The following EYA2 variants were observed in gnomAD, a reference collection of about 807,000 sequenced individuals.
The protein encoded by EYA2 is EYA transcriptional coactivator and phosphatase 2, also known as protein phosphatase EYA2.
Under a neutral mutation model 69.2 loss-of-function variants are expected in EYA2, and 31 were observed. That is an observed-to-expected ratio of 0.45 (90% CI 0.34 to 0.60). EYA2 has a LOEUF of 0.60. EYA2 is among the 20% of genes least tolerant of loss of function. EYA2 has a pLI of 0.02. For missense variants in EYA2, 622 were observed against 701.2 expected (o/e 0.89, Z 1.28); for synonymous variants, 257 against 279.4 (o/e 0.92, Z 0.80).
At chr20:47,125,520 A>C (rs1421333523) in intron 9 of EYA2, among the ~76,000 whole-genome samples, 3 of 152,178 alleles carry the variant, frequency 2.0e-5, no homozygotes, top group Non-Finnish European at 4.4e-5. Context: ...CTCTAAAAAA[A>C]ATTTTTTTAA....
chr20:47,172,878 T>C lies in EYA2; in HGVS notation c.1198+11T>C, dbSNP rs2034352848. 6.2e-7 allele frequency: 1 copy of C among 1,601,750 alleles called. No individual in the cohort carries two copies. The highest frequency in any genetic ancestry group is 1.7e-5 in the Admixed American group (1 of 58,830). On this transcript the variant is annotated intron_variant, in intron 12 of 15. Coordinates refer to ENST00000327619, the MANE Select transcript of EYA2 (RefSeq NM_005244.5). The stretch of plus-strand genomic sequence containing the variant: ...AGAACAACGTTGGTGGTGAGTACTG[T>C]GAGCCTTGGGCCTCCGAGGAAGGGA...
At chr20:46,919,543 C>A (rs141256635) in intron 1 of EYA2, among the ~76,000 whole-genome samples, 19 of 152,352 alleles carry the variant, frequency 1.2e-4, no homozygotes, top group Non-Finnish European at 2.8e-4. Flanking sequence ...TCATTTCTCT[C>A]AGCTTTCATA....
chr20:46,921,577 C>G (rs1013822434), intron 1 of EYA2, among the ~76,000 whole-genome samples: 2 of 152,208 alleles, frequency 1.3e-5, no homozygotes, highest in African/African-American at 4.8e-5. Flanking sequence ...GGCACAGGAA[C>G]TGGACCCAGG....
chr20:47,033,481 C>T (rs1984532632), intron 5 of EYA2, among the ~76,000 whole-genome samples: 1 of 152,220 alleles, frequency 6.6e-6, no homozygotes, highest in Non-Finnish European at 1.5e-5. Context: ...AGTTTGCCAA[C>T]TCCTGATATG....
chr20:47,018,945 C>T (rs949143692), intron 5 of EYA2, among the ~76,000 whole-genome samples: 1 of 152,214 alleles, frequency 6.6e-6, no homozygotes, highest in Non-Finnish European at 1.5e-5. Flanking sequence ...AATGTCTGCA[C>T]ATAAACATGC....
chr20:47,083,566 A>G (rs1396546904), intron 7 of EYA2, among the ~76,000 whole-genome samples: 2 of 129,794 alleles, frequency 1.5e-5, no homozygotes, highest in African/African-American at 5.4e-5. Flanking sequence ...TGACAGAGCA[A>G]GAGTCCATCT....
At chr20:47,168,185 G>GT (rs957961756) in intron 10 of EYA2, among the ~76,000 whole-genome samples, 3 of 92,734 alleles carry the variant, frequency 3.2e-5, no homozygotes, top group South Asian at 3.2e-4. Context: ...GTAGTCTTTT[G>GT]TTTTTTTGTT....
At chr20:47,140,606 C>A (rs776496959) in intron 9 of EYA2, among the ~76,000 whole-genome samples, 2 of 152,168 alleles carry the variant, frequency 1.3e-5, no homozygotes, top group Non-Finnish European at 2.9e-5. Flanking sequence ...TCCTCAGAAG[C>A]AGTGTTGTTC....
chr20:47,153,192 AC>A, intron 10 of EYA2, among the ~76,000 whole-genome samples: 2 of 152,148 alleles, frequency 1.3e-5, no homozygotes, highest in African/African-American at 4.8e-5. Flanking sequence ...TAATTAAAAT[AC>A]AAAACAAAAC....
At chr20:47,186,079 TC>T (rs1335040127) in intron 15 of EYA2, among the ~76,000 whole-genome samples, 1 of 152,144 alleles carries the variant, frequency 6.6e-6, no homozygotes, top group Non-Finnish European at 1.5e-5. Flanking sequence ...GACCCAGCTC[TC>T]AAAAGTAGAC....
intron 10 of EYA2, among the ~76,000 whole-genome samples, chr20:47,168,168 C>T (rs1297117514): frequency 1.3e-5 from 2 of 150,414 alleles, no homozygotes; most frequent in African/African-American, 2.5e-5. Flanking sequence ...TTCATTGTCC[C>T]CACCCCGTAG....
At chr20:47,124,636 C>T (rs11696752) in intron 9 of EYA2, among the ~76,000 whole-genome samples, 24,777 of 151,982 alleles carry the variant, frequency 0.16, 2,009 homozygotes, top group Middle Eastern at 0.27. Context: ...GGCAGTGACT[C>T]CTGTTAGGGT....
At chr20:46,944,870 G>A (rs1246392317) in intron 1 of EYA2, among the ~76,000 whole-genome samples, 2 of 152,172 alleles carry the variant, frequency 1.3e-5, no homozygotes, top group Non-Finnish European at 2.9e-5. Context: ...TTGTGAGGCC[G>A]AGGCGGGCGG....
chr20:47,013,690 A>G (rs1983223927), intron 4 of EYA2, among the ~76,000 whole-genome samples: 1 of 152,050 alleles, frequency 6.6e-6, no homozygotes, highest in Non-Finnish European at 1.5e-5. Flanking sequence ...AGCCCAGGAA[A>G]GGCAGTGAGG....
intron 5 of EYA2, among the ~76,000 whole-genome samples, chr20:47,068,746 ATCC>A (rs2031205774): frequency 6.6e-6 from 1 of 152,072 alleles, no homozygotes; most frequent in Non-Finnish European, 1.5e-5. Flanking sequence ...TTCCTTTATT[ATCC>A]TCTTATCTTC....
Position 46,908,870 on chromosome 20 carries a change from CTTTTTTTTTTTTTTTTTTTT to C in EYA2, c.-11+13901_-11+13920del, listed in dbSNP as rs56834738. ...AAAGGCACTAAGCCTCTCTCCCGCA[CTTTTTTTTTTTTTTTTTTTT>C]TTTTTTTTTTTTTTTTTACCAATTC... On this transcript the variant is annotated intron_variant, in intron 1 of 15. Transcript: ENST00000327619. Among the ~76,000 whole-genome samples, 19 of 47,580 alleles carry C rather than the reference CTTTTTTTTTTTTTTTTTTTT, an allele frequency of 4.0e-4. No individual in the cohort carries two copies. The South Asian group carries it at 0.011, about 28-fold the overall frequency. The allele number at this position is 47,580 out of a possible 152,430, so 31.2% of individuals were successfully genotyped here.
intron 7 of EYA2, among the ~76,000 whole-genome samples, chr20:47,076,838 C>T (rs1372610475): frequency 6.6e-6 from 1 of 152,160 alleles, no homozygotes; most frequent in Non-Finnish European, 1.5e-5. Context: ...CAAAGATGGC[C>T]ACCAGCTACC....
At chr20:47,090,328 C>T (rs1381297214) in intron 8 of EYA2, among the ~76,000 whole-genome samples, 3 of 151,756 alleles carry the variant, frequency 2.0e-5, no homozygotes, top group Non-Finnish European at 2.9e-5. Flanking sequence ...CAACCTCCAC[C>T]TCCCAGGTTC....
intron 12 of EYA2, among the ~76,000 whole-genome samples, chr20:47,178,503 G>A (rs140761509): frequency 5.3e-4 from 81 of 152,058 alleles, no homozygotes; most frequent in African/African-American, 1.8e-3. Flanking sequence ...CCTCCAGGCT[G>A]GAATGGAAAG....
Sources: allele counts gnomAD v4.1 joint callset (sites outside exome capture counted in the v4.1 genomes callset), GRCh38; gene constraint gnomAD v4.1.1; transcripts MANE v1.5; gene names NCBI Gene and HGNC (gene_info 2026-07-23, HGNC 2026-07-21).